Variants in HRH2 observed in about 807,000 individuals in gnomAD.
The protein encoded by HRH2 is histamine receptor H2.
In HRH2, 4 loss-of-function variants were observed where a neutral mutation model predicts 20.1. The observed-to-expected ratio is 0.20, with a 90% CI of 0.10 to 0.45. The LOEUF is 0.45. HRH2 is among the 20% of genes least tolerant of loss of function. The pLI, the probability that HRH2 is intolerant of heterozygous loss-of-function variation, is 0.99. For missense variants in HRH2, 250 were observed against 461.6 expected (o/e 0.54, Z 4.20); for synonymous variants, 197 against 200.7 (o/e 0.98, Z 0.16).
intron 1 of HRH2, among the ~76,000 whole-genome samples, chr5:175,673,594 CAG>C (rs1348159039): frequency 6.6e-6 from 1 of 151,870 alleles, no homozygotes; most frequent in African/African-American, 2.4e-5. Flanking sequence ...GTTTTGGAAC[CAG>C]AGAGAGGTGG....
At chr5:175,700,795 A>G (rs2088670) in intron 2 of HRH2, among the ~76,000 whole-genome samples, 32,551 of 152,046 alleles carry the variant, frequency 0.21, 6,311 homozygotes, top group African/African-American at 0.52. Context: ...GGCTGAGGGA[A>G]GAGAATTGCT....
In HRH2 at chr5:175,702,530, C is replaced by T. The variant is rs986873999; in HGVS notation, c.1077-5249C>T. Among the ~76,000 whole-genome samples, 101 of 140,174 alleles carry T rather than the reference C, an allele frequency of 7.2e-4. 4 individuals are homozygous for T. Among genetic ancestry groups the T allele is most frequent in the Admixed American group, 8.6e-4 (12 of 13,950 alleles). The allele number at this position is 140,174 out of a possible 152,430, so 92.0% of individuals were successfully genotyped here. A position where few individuals can be genotyped will look rare whatever the true frequency, so the allele number is the denominator to read the frequency against. On this transcript the variant is annotated intron_variant, in intron 2 of 2. Coordinates refer to ENST00000636584, the MANE Select transcript of HRH2 (RefSeq NM_001367711.1). ...TGAAAGAAATCTGAGTAGCTATAAG[C>T]AAAAAGTATACCATCTTTTTTTTTT...
chr5:175,705,047 C>T (rs968886790), intron 2 of HRH2, among the ~76,000 whole-genome samples: 19 of 151,714 alleles, frequency 1.3e-4, no homozygotes, highest in Non-Finnish European at 2.6e-4. Flanking sequence ...CTTGTTATAC[C>T]CTAACATTAA....
intron 1 of HRH2, among the ~76,000 whole-genome samples, chr5:175,658,495 G>A (rs1762634614): frequency 1.3e-5 from 2 of 152,224 alleles, no homozygotes; most frequent in African/African-American, 4.8e-5. Context: ...TGCCCGCGAA[G>A]GGTGGATTTG....
chr5:175,696,831 C>T (rs1756603756), intron 2 of HRH2, among the ~76,000 whole-genome samples: 1 of 152,202 alleles, frequency 6.6e-6, no homozygotes, highest in Non-Finnish European at 1.5e-5. Flanking sequence ...CAGCACCGCC[C>T]CATGGGGTTG....
intron 2 of HRH2, among the ~76,000 whole-genome samples, chr5:175,704,379 A>G (rs1159113353): frequency 6.6e-6 from 1 of 152,182 alleles, no homozygotes; most frequent in Non-Finnish European, 1.5e-5. Flanking sequence ...TAAAGAAGAA[A>G]AAACTCTGTG....
At chr5:175,689,280 T>C (rs1581445073) in intron 2 of HRH2, among the ~76,000 whole-genome samples, 3 of 146,400 alleles carry the variant, frequency 2.0e-5, no homozygotes, top group African/African-American at 7.7e-5. Flanking sequence ...TCAGCCCACA[T>C]GGTGTCTAAC....
In HRH2 at chr5:175,682,983, C is replaced by T. The variant is rs1756038646; in HGVS notation, c.-251C>T. The T allele has an allele frequency of 2.2e-6, 1 of 453,692 alleles. No homozygotes were observed. The allele number at this position is 453,692 out of a possible 1,614,324, so 28.1% of individuals were successfully genotyped here. A position where few individuals can be genotyped will look rare whatever the true frequency, so the allele number is the denominator to read the frequency against. ...AACCTGGCTTCGAGGCCTTGCTTTT[C>T]TCTCTTCTTCATTCATATTCATTCC... is the stretch of plus-strand genomic sequence containing the variant. On this transcript the variant is annotated 5_prime_UTR_variant, in exon 2 of 3. Coordinates refer to ENST00000636584, the MANE Select transcript of HRH2 (RefSeq NM_001367711.1).
chr5:175,664,372 C>G (rs1245487979), intron 1 of HRH2, among the ~76,000 whole-genome samples: 1 of 152,172 alleles, frequency 6.6e-6, no homozygotes, highest in Non-Finnish European at 1.5e-5. Context: ...ATGGATACAC[C>G]TGATAAGATT....
intron 2 of HRH2, among the ~76,000 whole-genome samples, chr5:175,690,719 C>A (rs1238720002): frequency 6.6e-6 from 1 of 152,120 alleles, no homozygotes; most frequent in Admixed American, 6.5e-5. Context: ...CATCGCCCCC[C>A]AAAAGAAACC....
At chr5:175,696,027 G>T (rs994773066) in intron 2 of HRH2, among the ~76,000 whole-genome samples, 1 of 152,258 alleles carries the variant, frequency 6.6e-6, no homozygotes, top group East Asian at 1.9e-4. Flanking sequence ...CAAACAGCAG[G>T]CCTCTTTGAA....
chr5:175,664,943 A>C (rs549163656), intron 1 of HRH2, among the ~76,000 whole-genome samples: 1 of 152,326 alleles, frequency 6.6e-6, no homozygotes, highest in East Asian at 1.9e-4. Flanking sequence ...CGGCCCGCAC[A>C]AAAGGATTTT....
intron 2 of HRH2, among the ~76,000 whole-genome samples, chr5:175,703,376 G>A (rs1428427284): frequency 1.3e-5 from 2 of 152,040 alleles, no homozygotes; most frequent in Admixed American, 6.5e-5. Flanking sequence ...TAAAGTAAAC[G>A]ACAATGAAAA....
chr5:175,683,078 C>T lies in HRH2; in HGVS notation c.-156C>T. On this transcript the variant is annotated 5_prime_UTR_variant, in exon 2 of 3. Transcript: ENST00000636584. ...CCCAGAGTCAGTCATTGAAGCCTTC[C>T]CCACCCCCTGGCCAAAAAAAAAAAA... is the stretch of plus-strand genomic sequence containing the variant. The T allele has an allele frequency of 1.1e-6, 1 of 937,958 alleles. No individual in the cohort carries two copies. The highest frequency in any genetic ancestry group is 1.6e-6 in the Non-Finnish European group (1 of 629,056). The allele number at this position is 937,958 out of a possible 1,614,324, so 58.1% of individuals were successfully genotyped here.
At chr5:175,697,324 G>C (rs1290362227) in intron 2 of HRH2, among the ~76,000 whole-genome samples, 1 of 151,704 alleles carries the variant, frequency 6.6e-6, no homozygotes, top group African/African-American at 2.4e-5. Flanking sequence ...TTAGCCGGGC[G>C]TGGTGGTGGG....
intron 2 of HRH2, 46 bp downstream of exon 2, chr5:175,684,355 G>A: frequency 6.3e-7 from 1 of 1,587,898 alleles, no homozygotes. Context: ...CAATGGGAGG[G>A]GATGCTACTG....
At chr5:175,695,162 G>A (rs608054) in intron 2 of HRH2, among the ~76,000 whole-genome samples, 2,163 of 152,018 alleles carry the variant, frequency 0.014, 61 homozygotes, top group African/African-American at 0.05. Flanking sequence ...TGCCCAGCAC[G>A]TTGACCCTCT....
chr5:175,697,246 G>A (rs1041007289), intron 2 of HRH2, among the ~76,000 whole-genome samples: 2 of 151,990 alleles, frequency 1.3e-5, no homozygotes, highest in African/African-American at 4.8e-5. Flanking sequence ...GGCGGATCAC[G>A]AGGTCAGGAG....
At chr5:175,694,811 C>T (rs1434807247) in intron 2 of HRH2, among the ~76,000 whole-genome samples, 1 of 152,212 alleles carries the variant, frequency 6.6e-6, no homozygotes, top group Non-Finnish European at 1.5e-5. Context: ...CCTCTGCAAT[C>T]TGGGTTTTCA....
Sources: allele counts gnomAD v4.1 joint callset (sites outside exome capture counted in the v4.1 genomes callset), GRCh38; gene constraint gnomAD v4.1.1; transcripts MANE v1.5; gene names NCBI Gene and HGNC (gene_info 2026-07-23, HGNC 2026-07-21).